ANKS3: variants seen among roughly 807,000 people sequenced by gnomAD.
ANKS3 encodes ankyrin repeat and sterile alpha motif domain containing 3, also known as ankyrin repeat and SAM domain-containing protein 3.
Under a neutral mutation model 80.7 loss-of-function variants are expected in ANKS3, and 62 were observed. The ratio of observed to expected loss-of-function variants is 0.77; its 90% confidence interval spans 0.63 to 0.95. ANKS3 has a LOEUF of 0.95. Ranked by LOEUF, ANKS3 falls within the 40% of genes least tolerant of loss-of-function variation. The pLI is 0.00. For missense variants in ANKS3, 1,150 were observed against 883.6 expected (o/e 1.30, Z -3.82); for synonymous variants, 489 against 355.3 (o/e 1.38, Z -4.23).
At chr16:4,701,320 A>C (rs1282961893) in intron 10 of ANKS3, 114 bp downstream of exon 10, 12 of 1,323,622 alleles carry the variant, frequency 9.1e-6, no homozygotes, top group Non-Finnish European at 9.3e-6. Context: ...CCAGTGCAGC[A>C]CACACGTGCA....
intron 5 of ANKS3, 62 bp downstream of exon 5, chr16:4,726,597 C>T: frequency 3.2e-6 from 5 of 1,570,174 alleles, no homozygotes; most frequent in Non-Finnish European, 4.4e-6. Context: ...TCCAGAGCCA[C>T]CCTCCTTAGA....
At chr16:4,732,727 A>G (rs956887135) in intron 1 of ANKS3, among the ~76,000 whole-genome samples, 13 of 150,214 alleles carry the variant, frequency 8.7e-5, no homozygotes, top group Non-Finnish European at 1.9e-4. Flanking sequence ...AAAATGTCCC[A>G]TCCCGAGTGG....
Position 4,696,818 on chromosome 16 carries a change from C to A in ANKS3, c.*90G>T. 1.6e-6 allele frequency: 1 copy of A among 619,738 alleles called. No individual in the cohort carries two copies. Among genetic ancestry groups the A allele is most frequent in the Non-Finnish European group, 2.8e-6 (1 of 351,116 alleles). The allele number at this position is 619,738 out of a possible 1,614,324, so 38.4% of individuals were successfully genotyped here. ...TGGCCCCCACTGGGCCTGGGCTGCA[C>A]ATGGCAGCTACCTGCTCACTGTCCT... On this transcript the variant is annotated 3_prime_UTR_variant, in exon 18 of 18. Transcript: ENST00000304283.
At chr16:4,710,059 C>T (rs909100248) in intron 7 of ANKS3, among the ~76,000 whole-genome samples, 34 of 152,122 alleles carry the variant, frequency 2.2e-4, no homozygotes, top group African/African-American at 6.5e-4. Context: ...ATGATGTCAC[C>T]CATTTACAGG....
intron 6 of ANKS3, among the ~76,000 whole-genome samples, chr16:4,722,749 C>T (rs1476242888): frequency 6.6e-6 from 1 of 150,752 alleles, no homozygotes; most frequent in Non-Finnish European, 1.5e-5. Context: ...GAAACCTCAT[C>T]TCTACTAAAA....
Position 4,724,833 on chromosome 16 carries a change from T to G in ANKS3, c.492-2A>C. 6.2e-7 allele frequency: 1 copy of G among 1,613,638 alleles called. No individual in the cohort carries two copies. On this transcript the variant is annotated splice_acceptor_variant, in intron 5 of 17. Transcript: ENST00000304283. LOFTEE classifies it high-confidence loss of function. Reference sequence around the variant, plus strand: ...GGAGTAAATCCACATATCGGCTCCCTGCAAGATGTGGGCCACAGTCAGATG... The same window carrying G: ...GGAGTAAATCCACATATCGGCTCCCGGCAAGATGTGGGCCACAGTCAGATG...
rs1393338113 is a variant in ANKS3 at position 4,701,091 on chromosome 16, T to C, written c.1163A>G (p.Lys388Arg). Residue 388 changes from lysine to arginine, a missense_variant, in exon 11 of 18, where the codon AAA becomes AGA. Physicochemically the swap from Lys to Arg is conservative, Grantham distance 26. Transcript: ENST00000304283. ...AGGATTCTTGGTCTTCATGTAACTT[T>C]TAGCTTGTTTGCGAGCTGAGCTTTT... ...ACKSSARKQA[K>R]SYMKTKNPDS... The C allele has an allele frequency of 6.2e-7, 1 of 1,614,040 alleles. No homozygotes were observed. The highest frequency in any genetic ancestry group is 8.5e-7 in the Non-Finnish European group (1 of 1,180,022).
intron 11 of ANKS3, 86 bp from the exon 12 acceptor site, chr16:4,699,262 C>G (rs1201959456): frequency 6.6e-7 from 1 of 1,521,236 alleles, no homozygotes; most frequent in Admixed American, 1.9e-5. Context: ...CCCACCACTT[C>G]CCCAGGCTCA....
chr16:4,710,488 G>C (rs1023913026), intron 7 of ANKS3, among the ~76,000 whole-genome samples: 4 of 152,114 alleles, frequency 2.6e-5, no homozygotes, highest in African/African-American at 9.7e-5. Flanking sequence ...CGGGTGGATT[G>C]CTTGAGCTCA....
At chr16:4,711,441 G>A (rs189109785) in intron 7 of ANKS3, among the ~76,000 whole-genome samples, 2 of 151,868 alleles carry the variant, frequency 1.3e-5, no homozygotes, top group Non-Finnish European at 2.9e-5. Context: ...AAAATTGGCC[G>A]GGTGCGGTGG....
At chr16:4,733,484 G>C (rs1442643975) in intron 1 of ANKS3, among the ~76,000 whole-genome samples, 1 of 152,018 alleles carries the variant, frequency 6.6e-6, no homozygotes. Context: ...TAGAGACGAA[G>C]TGTCCCCATG....
intron 1 of ANKS3, among the ~76,000 whole-genome samples, chr16:4,732,520 T>C (rs1425988964): frequency 2.0e-5 from 3 of 151,924 alleles, no homozygotes; most frequent in Non-Finnish European, 4.4e-5. Context: ...CCATCTTTAC[T>C]AAAATTACAA....
At chr16:4,729,148 G>A (rs775168659) in intron 3 of ANKS3, among the ~76,000 whole-genome samples, 2 of 152,184 alleles carry the variant, frequency 1.3e-5, no homozygotes, top group African/African-American at 2.4e-5. Flanking sequence ...TGGGCAAGAC[G>A]CAGCCATGGA....
At chr16:4,709,873 T>C (rs909124914) in intron 7 of ANKS3, among the ~76,000 whole-genome samples, 2 of 151,960 alleles carry the variant, frequency 1.3e-5, no homozygotes, top group Non-Finnish European at 1.5e-5. Flanking sequence ...TAGCCAGGTG[T>C]GGTGGTAGGT....
chr16:4,698,233 G>A (rs1439975352), intron 14 of ANKS3, 171 bp from the exon 15 acceptor site: 15 of 1,109,846 alleles, frequency 1.4e-5, no homozygotes, highest in African/African-American at 6.4e-5. Context: ...GGCGACCGGT[G>A]CAGATTCCCG....
At chr16:4,729,734 G>A (rs2081527791) in intron 3 of ANKS3, 2 of 327,390 alleles carry the variant, frequency 6.1e-6, no homozygotes, top group Non-Finnish European at 1.1e-5. Context: ...AAATTAGTCT[G>A]GTTAAAGAAT....
rs1362055903 is a variant in ANKS3, at chr16:4,698,557, C to T, written c.1594G>A (p.Glu532Lys). ...VEATRGQVCQ[E>K]QELRAVVESC... ...TCCACCACGGCGCGCAGCTCCTGCTCCTGACACACCTGGCCCCGCGTGGCC... is the reference window on the plus strand; with the variant it reads ...TCCACCACGGCGCGCAGCTCCTGCTTCTGACACACCTGGCCCCGCGTGGCC... Residue 532 changes from glutamate (E) to lysine (K), a missense_variant, in exon 14 of 18, where the codon GAG (glutamate) becomes AAG (lysine). By Grantham distance (56) the Glu-to-Lys change is moderately conservative. Transcript: ENST00000304283. The T allele has an allele frequency of 6.3e-7, 1 of 1,582,226 alleles. No homozygotes were observed. The highest frequency in any genetic ancestry group is 8.5e-7 in the Non-Finnish European group (1 of 1,171,630).
In ANKS3 at chr16:4,697,005, G is replaced by A; in HGVS notation, c.*11+12C>T. 2 of 1,611,006 alleles carry A rather than the reference G, an allele frequency of 1.2e-6. No homozygotes were observed. Among genetic ancestry groups the A allele is most frequent in the Non-Finnish European group, 1.7e-6 (2 of 1,178,900 alleles). ...CTCCCACCACGCGGGATCCAGGCTG[G>A]CAGACACTCACCGGCCCGCAGGCTA... On this transcript the variant is annotated intron_variant, in intron 17 of 17. Coordinates refer to ENST00000304283, the MANE Select transcript of ANKS3 (RefSeq NM_133450.4).
At chr16:4,714,574 G>A (rs2080680443) in intron 6 of ANKS3, among the ~76,000 whole-genome samples, 1 of 152,254 alleles carries the variant, frequency 6.6e-6, no homozygotes, top group Non-Finnish European at 1.5e-5. Flanking sequence ...ACCATCCTCT[G>A]AAGCAGAATT....
Sources: allele counts gnomAD v4.1 joint callset (sites outside exome capture counted in the v4.1 genomes callset), GRCh38; gene constraint gnomAD v4.1.1; transcripts MANE v1.5; gene names NCBI Gene and HGNC (gene_info 2026-07-23, HGNC 2026-07-21).